TOM1L2: variants seen among roughly 807,000 people sequenced by gnomAD.
TOM1L2 encodes the protein target of myb1 like 2 membrane trafficking protein, also known as TOM1-like protein 2.
TOM1L2 carries 31 observed loss-of-function variants against 67.9 expected under a neutral mutation model. The observed-to-expected ratio is 0.46, with a 90% CI of 0.34 to 0.62. The LOEUF (loss-of-function observed/expected upper bound fraction) is 0.62, where lower values mean the gene tolerates loss of function less well. TOM1L2 is among the 20% of genes least tolerant of loss of function. The probability of loss-of-function intolerance (pLI) is 0.01; values close to 1 mark genes in which losing one functional copy is unlikely to be tolerated. For synonymous variants in TOM1L2, 256 were observed against 254.0 expected, an observed-to-expected ratio of 1.01 and a Z score of -0.07; for missense variants, 606 against 663.5, an observed-to-expected ratio of 0.91 and a Z score of 0.95.
intron 12 of TOM1L2, chr17:17,859,818 C>T (rs1360976813): frequency 6.6e-6 from 1 of 152,244 alleles, no homozygotes; most frequent in Non-Finnish European, 1.5e-5. Flanking sequence ...GAGAGGAAAG[C>T]TGCAGTGAGC....
intron 1 of TOM1L2, among the ~76,000 whole-genome samples, chr17:17,930,579 G>C (rs896274441): frequency 6.6e-6 from 1 of 152,120 alleles, no homozygotes; most frequent in Non-Finnish European, 1.5e-5. Context: ...AAAATGTTTT[G>C]AAACAAGCTT....
At chr17:17,866,022 G>A (rs1480590128) in intron 10 of TOM1L2, among the ~76,000 whole-genome samples, 1 of 152,056 alleles carries the variant, frequency 6.6e-6, no homozygotes, top group Non-Finnish European at 1.5e-5. Flanking sequence ...GATTACGGGC[G>A]TGAGCCACTG....
At chr17:17,947,005 G>T (rs541670727) in intron 1 of TOM1L2, among the ~76,000 whole-genome samples, 1 of 150,732 alleles carries the variant, frequency 6.6e-6, no homozygotes, top group African/African-American at 2.4e-5. Context: ...GATTACAGGC[G>T]TACGCCACCG....
intron 1 of TOM1L2, among the ~76,000 whole-genome samples, chr17:17,971,916 C>T (rs1448394253): frequency 6.6e-6 from 1 of 152,056 alleles, no homozygotes; most frequent in African/African-American, 2.4e-5. Flanking sequence ...CCCTGCCTGC[C>T]CGTGGGATAG....
At chr17:17,899,915 T>C (rs1267036099) in intron 2 of TOM1L2, among the ~76,000 whole-genome samples, 1 of 150,520 alleles carries the variant, frequency 6.6e-6, no homozygotes, top group East Asian at 1.9e-4. Context: ...ATCAGCTTAA[T>C]TTAAGAGAAA....
intron 1 of TOM1L2, 27 bp downstream of exon 1, chr17:17,972,235 A>G (rs1013147922): frequency 1.9e-6 from 3 of 1,548,684 alleles, no homozygotes; most frequent in Non-Finnish European, 2.6e-6. Context: ...GCCGTTGCCC[A>G]GCCTCCTGCC....
At chr17:17,966,187 A>G (rs2041865493) in intron 1 of TOM1L2, among the ~76,000 whole-genome samples, 1 of 152,134 alleles carries the variant, frequency 6.6e-6, no homozygotes, top group Non-Finnish European at 1.5e-5. Context: ...TTACCACCTG[A>G]GGTCACCCCT....
chr17:17,863,831 G>A (rs1473331918), intron 10 of TOM1L2, among the ~76,000 whole-genome samples: 1 of 151,808 alleles, frequency 6.6e-6, no homozygotes, highest in East Asian at 1.9e-4. Flanking sequence ...TTGCAAGTGT[G>A]AGCCACCACC....
At chr17:17,933,287 T>C (rs1236288989) in intron 1 of TOM1L2, among the ~76,000 whole-genome samples, 1 of 152,198 alleles carries the variant, frequency 6.6e-6, no homozygotes, top group Non-Finnish European at 1.5e-5. Context: ...TGCCATCTTA[T>C]TTATGAAGAG....
chr17:17,923,152 C>T (rs2144625019), intron 1 of TOM1L2, among the ~76,000 whole-genome samples: 1 of 151,956 alleles, frequency 6.6e-6, no homozygotes, highest in South Asian at 2.1e-4. Context: ...AATCCCAGCA[C>T]TTTGGAAGGC....
intron 8 of TOM1L2, among the ~76,000 whole-genome samples, chr17:17,867,944 A>G (rs2036946999): frequency 6.6e-6 from 1 of 152,234 alleles, no homozygotes. Context: ...AACAATGAGT[A>G]TCATCAAAGA....
At chr17:17,907,567 C>G (rs2039154556) in intron 1 of TOM1L2, 36 bp from the exon 2 acceptor site, 1 of 1,599,138 alleles carries the variant, frequency 6.3e-7, no homozygotes, top group African/African-American at 1.3e-5. Flanking sequence ...TTACATTTCT[C>G]CTGGAATAAG....
At chr17:17,966,008 C>T (rs1420368164) in intron 1 of TOM1L2, among the ~76,000 whole-genome samples, 1 of 152,114 alleles carries the variant, frequency 6.6e-6, no homozygotes, top group African/African-American at 2.4e-5. Flanking sequence ...GTAATCCCAG[C>T]TACTTGGGAG....
At chr17:17,962,441 T>A (rs1441543067) in intron 1 of TOM1L2, among the ~76,000 whole-genome samples, 2 of 151,834 alleles carry the variant, frequency 1.3e-5, no homozygotes, top group Non-Finnish European at 2.9e-5. Flanking sequence ...GCCTCCCGAG[T>A]ACCTGGGACT....
chr17:17,863,750 T>C (rs529656701), intron 10 of TOM1L2, among the ~76,000 whole-genome samples: 99 of 152,206 alleles, frequency 6.5e-4, no homozygotes, highest in African/African-American at 1.9e-3. Flanking sequence ...GGTCTCGTTA[T>C]GTTGCCCAGG....
At chr17:17,953,268 A>C (rs1184909583) in intron 1 of TOM1L2, among the ~76,000 whole-genome samples, 1 of 152,206 alleles carries the variant, frequency 6.6e-6, no homozygotes, top group East Asian at 1.9e-4. Context: ...CAACAGAGCG[A>C]GACTCTGTCT....
Position 17,972,344 on chromosome 17 carries a change from C to T in TOM1L2, c.-31G>A. On this transcript the variant is annotated 5_prime_UTR_variant, in exon 1 of 15. Coordinates refer to ENST00000379504, the MANE Select transcript of TOM1L2 (RefSeq NM_001082968.2). ...GTGGACAACACGCAGCGGCCCGGGC[C>T]CCCTGTCTGCCACCTAGGCCTCCGC... 1.3e-6 allele frequency: 2 copies of T among 1,548,928 alleles called. No homozygotes were observed. Among genetic ancestry groups the T allele is most frequent in the South Asian group, 1.2e-5 (1 of 83,972 alleles).
At chr17:17,940,398 A>G (rs1185809107) in intron 1 of TOM1L2, among the ~76,000 whole-genome samples, 1 of 152,120 alleles carries the variant, frequency 6.6e-6, no homozygotes, top group East Asian at 1.9e-4. Flanking sequence ...GGCTCAGAAA[A>G]GTATGATAAC....
At chr17:17,849,328 A>G (rs2035830372) in intron 13 of TOM1L2, among the ~76,000 whole-genome samples, 1 of 152,204 alleles carries the variant, frequency 6.6e-6, no homozygotes. Context: ...GTTGACACCA[A>G]TAGCTGGAAA....
Sources: allele counts gnomAD v4.1 joint callset (sites outside exome capture counted in the v4.1 genomes callset), GRCh38; gene constraint gnomAD v4.1.1; transcripts MANE v1.5; gene names NCBI Gene and HGNC (gene_info 2026-07-23, HGNC 2026-07-21).